Variants in SERPINB2 observed in about 807,000 individuals in gnomAD.
SERPINB2 encodes the protein plasminogen activator inhibitor 2.
In SERPINB2, 28 loss-of-function variants were observed where a neutral mutation model predicts 39.4. The observed-to-expected ratio is 0.71, with a 90% CI of 0.53 to 0.97. SERPINB2 has a LOEUF of 0.97. Among genes scored for constraint, SERPINB2 ranks in the 50% least tolerant of loss-of-function variants. The pLI, the probability that SERPINB2 is intolerant of heterozygous loss-of-function variation, is 0.00. For synonymous variants in SERPINB2, 209 were observed against 175.1 expected (o/e 1.19, Z -1.53); for missense variants, 557 against 505.3 (o/e 1.10, Z -0.98).
rs868228579 is a variant in SERPINB2 at position 63,895,248 on chromosome 18, C to T, written c.169-16C>T. On this transcript the variant is annotated splice_polypyrimidine_tract_variant and intron_variant, in intron 2 of 7. Coordinates refer to ENST00000299502, the MANE Select transcript of SERPINB2 (RefSeq NM_002575.3). ...CCGTGGGCAAGTGTAACCGTTTTCT[C>T]TAATTCTGATTGCAGGTGCTTCAGT... is the stretch of plus-strand genomic sequence containing the variant. 2 of 1,612,446 alleles carry T rather than the reference C, an allele frequency of 1.2e-6. No individual in the cohort carries two copies. Among genetic ancestry groups the T allele is most frequent in the South Asian group, 2.2e-5 (2 of 90,584 alleles).
chr18:63,900,367 A>G (rs2049984070), intron 5 of SERPINB2, among the ~76,000 whole-genome samples: 1 of 152,222 alleles, frequency 6.6e-6, no homozygotes, highest in African/African-American at 2.4e-5. Context: ...GGCAAGCTCC[A>G]AAGTGGGGCT....
chr18:63,897,813 G>T lies in SERPINB2; in HGVS notation c.504G>T (p.Lys168Asn). Residue 168 changes from lysine to asparagine, a missense_variant, in exon 5 of 8, where the codon AAG (lysine) becomes AAT (asparagine). By Grantham distance (94) the Lys-to-Asn change is moderately conservative. Transcript: ENST00000299502. ...FLECAEEARK[K>N]INSWVKTQTK... ...AATGTGCAGAAGAAGCTAGAAAAAAGATTAATTCCTGGGTCAAGACTCAAA... is the reference window on the plus strand; with the variant it reads ...AATGTGCAGAAGAAGCTAGAAAAAATATTAATTCCTGGGTCAAGACTCAAA... The T allele has an allele frequency of 6.2e-7, 1 of 1,611,630 alleles. No individual in the cohort carries two copies. The highest frequency in any genetic ancestry group is 1.1e-5 in the South Asian group (1 of 90,932).
In SERPINB2 at chr18:63,903,470, G is replaced by T; in HGVS notation, c.*165G>T. On this transcript the variant is annotated 3_prime_UTR_variant, in exon 8 of 8. Coordinates refer to ENST00000299502, the MANE Select transcript of SERPINB2 (RefSeq NM_002575.3). ...AAAACACAGAAATAATTAGACAATT[G>T]TCTATTATAACATGACAACCCTATT... is the stretch of plus-strand genomic sequence containing the variant. 3.5e-6 allele frequency: 2 copies of T among 577,370 alleles called. No individual in the cohort carries two copies. Among genetic ancestry groups the T allele is most frequent in the Non-Finnish European group, 2.7e-6 (1 of 372,332 alleles). 35.8% of individuals were successfully genotyped at this position (577,370 alleles called of 1,614,324 possible). A position where few individuals can be genotyped will look rare whatever the true frequency, so the allele number is the denominator to read the frequency against.
Position 63,893,491 on chromosome 18 carries a change from G to T in SERPINB2, c.169-1773G>T, listed in dbSNP as rs915464647. On this transcript the variant is annotated intron_variant, in intron 2 of 7. Transcript: ENST00000299502. ...TTTTGACAACTCTGTTGCATGTGTAGATTTTGAAATTCAAATGTTAATATG... is the reference window on the plus strand; with the variant it reads ...TTTTGACAACTCTGTTGCATGTGTATATTTTGAAATTCAAATGTTAATATG... Among the ~76,000 whole-genome samples the T allele has an allele frequency of 5.9e-5, 9 of 151,786 alleles. No homozygotes were observed. In the East Asian group the frequency reaches 1.7e-3, roughly 29 times the overall value.
In SERPINB2 at chr18:63,903,566, A is replaced by G. The variant is rs2144709782; in HGVS notation, c.*261A>G. 4 of 247,818 alleles carry G rather than the reference A, an allele frequency of 1.6e-5. No individual in the cohort carries two copies. The East Asian group carries it at 3.1e-4, about 19-fold the overall frequency. The allele number at this position is 247,818 out of a possible 1,614,324, so 15.4% of individuals were successfully genotyped here. A position where few individuals can be genotyped will look rare whatever the true frequency, so the allele number is the denominator to read the frequency against. On this transcript the variant is annotated 3_prime_UTR_variant, in exon 8 of 8. Coordinates refer to ENST00000299502, the MANE Select transcript of SERPINB2 (RefSeq NM_002575.3). ...CTTACTATCAGTTTATTTTTATAACATTAACTTTTACTTTGTTATTTATTA... is the reference window on the plus strand; with the variant it reads ...CTTACTATCAGTTTATTTTTATAACGTTAACTTTTACTTTGTTATTTATTA...
intron 2 of SERPINB2, among the ~76,000 whole-genome samples, chr18:63,893,006 C>T (rs111322556): frequency 0.047 from 7,176 of 152,042 alleles, 582 homozygotes; most frequent in African/African-American, 0.16. Context: ...GATCTTGGCT[C>T]ACTACAACCT....
chr18:63,903,040 G>A lies in SERPINB2; in HGVS notation c.983G>A (p.Gly328Asp), dbSNP rs1489066435. ...CTCAGATCCATTCTGAGAAGCATGG[G>A]CATGGAGGACGCCTTCAACAAGGGA... ...YELRSILRSM[G>D]MEDAFNKGRA... Residue 328 changes from glycine (G) to aspartate (D), a missense_variant, in exon 8 of 8, where the codon GGC (glycine) becomes GAC (aspartate). By Grantham distance (94) the Gly-to-Asp change is moderately conservative. Coordinates refer to ENST00000299502, the MANE Select transcript of SERPINB2 (RefSeq NM_002575.3). 1.2e-6 allele frequency: 2 copies of A among 1,613,830 alleles called. No individual in the cohort carries two copies. The highest frequency in any genetic ancestry group is 1.7e-6 in the Non-Finnish European group (2 of 1,179,826).
intron 2 of SERPINB2, among the ~76,000 whole-genome samples, chr18:63,894,939 T>G (rs543125041): frequency 1.3e-5 from 2 of 152,322 alleles, no homozygotes; most frequent in South Asian, 2.1e-4. Flanking sequence ...TGGCATTTTT[T>G]TTTCAAGACC....
intron 4 of SERPINB2, 60 bp downstream of exon 4, chr18:63,897,279 A>G (rs2278180): frequency 0.24 from 377,436 of 1,568,336 alleles, 48,422 homozygotes; most frequent in East Asian, 0.41. Flanking sequence ...GTCACTTTCA[A>G]AGCAGTTCTC....
chr18:63,896,149 C>T, intron 3 of SERPINB2, among the ~76,000 whole-genome samples: 1 of 152,194 alleles, frequency 6.6e-6, no homozygotes, highest in East Asian at 1.9e-4. Context: ...TCTGAAGCTC[C>T]TTCTACCCAT....
intron 1 of SERPINB2, chr18:63,890,036 A>G (rs372290322): frequency 1.3e-5 from 2 of 152,174 alleles, no homozygotes; most frequent in East Asian, 3.8e-4. Context: ...ATAATCTATA[A>G]AATAGGGAGA....
rs148240038 is a variant in SERPINB2, at chr18:63,902,526, G to A, written c.801G>A (p.Leu267=). Residue 267 remains leucine, a synonymous_variant, in exon 7 of 8, where the codon TTG becomes TTA. Transcript: ENST00000299502. The part of the protein sequence containing the change: ...PYAGDVSMFL[L]LPDEIADVST... Reference sequence around the variant, plus strand: ...CTGGAGATGTTAGCATGTTCTTGTTGCTTCCAGATGAAATTGCCGATGTGT... The same window carrying A: ...CTGGAGATGTTAGCATGTTCTTGTTACTTCCAGATGAAATTGCCGATGTGT... 2,392 of 1,613,406 alleles carry A rather than the reference G, an allele frequency of 1.5e-3. 60 individuals are homozygous for A. The East Asian group carries it at 0.042, about 28-fold the overall frequency.
Position 63,891,485 on chromosome 18 carries a change from A to C in SERPINB2, c.41A>C (p.Asn14Thr). Reference protein sequence around the residue: ...LCVANTLFALNLFKHLAKASP... With the variant: ...LCVANTLFALTLFKHLAKASP... ...GTGGCAAACACACTCTTTGCCCTCA[A>C]TTTATTCAAGCATCTGGCAAAAGCA... Residue 14 changes from asparagine (N) to threonine (T), a missense_variant, in exon 2 of 8, where the codon AAT (asparagine) becomes ACT (threonine). By Grantham distance (65) the Asn-to-Thr change is moderately conservative. Coordinates refer to ENST00000299502, the MANE Select transcript of SERPINB2 (RefSeq NM_002575.3). 1 of 1,614,114 alleles carries C rather than the reference A, an allele frequency of 6.2e-7. No individual in the cohort carries two copies. The highest frequency in any genetic ancestry group is 8.5e-7 in the Non-Finnish European group (1 of 1,180,012).
intron 2 of SERPINB2, among the ~76,000 whole-genome samples, chr18:63,893,020 A>T (rs999223367): frequency 6.6e-6 from 1 of 151,626 alleles, no homozygotes; most frequent in African/African-American, 2.4e-5. Context: ...ACAACCTCCA[A>T]CTCCCAGGTT....
chr18:63,897,385 G>A (rs1275418526), intron 4 of SERPINB2, among the ~76,000 whole-genome samples, 166 bp downstream of exon 4: 1 of 152,156 alleles, frequency 6.6e-6, no homozygotes, highest in East Asian at 1.9e-4. Context: ...ACCCTCTGGG[G>A]CTTCCTCCTC....
At chr18:63,902,366 A>T in intron 6 of SERPINB2, 38 bp from the exon 7 acceptor site, 1 of 1,502,882 alleles carries the variant, frequency 6.7e-7, no homozygotes, top group South Asian at 1.3e-5. Context: ...TTGATATCTT[A>T]TAATCGACTT....
At chr18:63,889,831 T>C (rs1272561720) in intron 1 of SERPINB2, 1 of 152,186 alleles carries the variant, frequency 6.6e-6, no homozygotes, top group Non-Finnish European at 1.5e-5. Context: ...TGACTTCCTC[T>C]TTCTAGCATT....
chr18:63,891,354 G>A (rs1476616514), intron 1 of SERPINB2, 82 bp from the exon 2 acceptor site: 3 of 1,388,538 alleles, frequency 2.2e-6, no homozygotes, highest in East Asian at 4.6e-5. Context: ...ACAGAATGCA[G>A]CCTGTCCTAC....
chr18:63,903,385 T>C lies in SERPINB2; in HGVS notation c.*80T>C. 1 of 1,365,522 alleles carries C rather than the reference T, an allele frequency of 7.3e-7. No individual in the cohort carries two copies. The highest frequency in any genetic ancestry group is 9.7e-7 in the Non-Finnish European group (1 of 1,027,950). 84.6% of individuals were successfully genotyped at this position (1,365,522 alleles called of 1,614,324 possible). ...AATTGCTATTTCAAATTGCCAAAAATTTAGAGATGTTTTCTACATATTTCT... is the reference window on the plus strand; with the variant it reads ...AATTGCTATTTCAAATTGCCAAAAACTTAGAGATGTTTTCTACATATTTCT... On this transcript the variant is annotated 3_prime_UTR_variant, in exon 8 of 8. Coordinates refer to ENST00000299502, the MANE Select transcript of SERPINB2 (RefSeq NM_002575.3).
Sources: allele counts gnomAD v4.1 joint callset (sites outside exome capture counted in the v4.1 genomes callset), GRCh38; gene constraint gnomAD v4.1.1; transcripts MANE v1.5; gene names NCBI Gene and HGNC (gene_info 2026-07-23, HGNC 2026-07-21).